Variants in AKAP6 observed in about 807,000 individuals in gnomAD.
AKAP6 encodes A-kinase anchor protein 6.
A neutral mutation model predicts 188.5 loss-of-function variants in AKAP6; 58 were observed. That is an observed-to-expected ratio of 0.31 (90% CI 0.25 to 0.38). The LOEUF is 0.38. Ranked by LOEUF, AKAP6 falls within the 10% of genes least tolerant of loss-of-function variation. The probability of loss-of-function intolerance (pLI) is 1.00; values close to 1 mark genes in which losing one functional copy is unlikely to be tolerated. For synonymous variants in AKAP6, 989 were observed against 998.6 expected, an observed-to-expected ratio of 0.99 and a Z score of 0.18; for missense variants, 2,710 against 2,740.0, an observed-to-expected ratio of 0.99 and a Z score of 0.24.
At position 32,505,286 on chromosome 14, in the gene AKAP6, T is replaced by C. The variant is rs562832686; in HGVS notation, c.325-30268T>C. Among the ~76,000 whole-genome samples the C allele has an allele frequency of 2.6e-5, 4 of 151,796 alleles. No individual in the cohort carries two copies. In the South Asian group the frequency reaches 8.4e-4, roughly 32 times the overall value. On this transcript the variant is annotated intron_variant, in intron 2 of 13. Coordinates refer to ENST00000280979, the MANE Select transcript of AKAP6 (RefSeq NM_004274.5). Reference sequence around the variant, plus strand: ...ACTGCAGTTGACTCAAGGTGGCTGATGTTGGCCAGGCTTAGCAGGCAAGTT... The same window carrying C: ...ACTGCAGTTGACTCAAGGTGGCTGACGTTGGCCAGGCTTAGCAGGCAAGTT...
At position 32,833,422 on chromosome 14, in the gene AKAP6, A is replaced by G. The variant is rs540168456; in HGVS notation, c.*3617A>G. ...AAGAAAATCTAGTGAGCAAAACGGT[A>G]TACAAAAAATCATCTGGATCTGACT... is the stretch of plus-strand genomic sequence containing the variant. On this transcript the variant is annotated 3_prime_UTR_variant, in exon 14 of 14. Coordinates refer to ENST00000280979, the MANE Select transcript of AKAP6 (RefSeq NM_004274.5). The G allele has an allele frequency of 1.4e-4, 21 of 152,366 alleles. No individual in the cohort carries two copies. The South Asian group carries it at 4.3e-3, about 32-fold the overall frequency. 9.4% of individuals were successfully genotyped at this position (152,366 alleles called of 1,614,324 possible). A position where few individuals can be genotyped will look rare whatever the true frequency, so the allele number is the denominator to read the frequency against.
intron 9 of AKAP6, 153 bp from the exon 10 acceptor site, chr14:32,732,301 T>TC (rs1452391464): frequency 1.8e-5 from 4 of 216,368 alleles, no homozygotes; most frequent in Non-Finnish European, 3.1e-5. Flanking sequence ...GCAATATTCT[T>TC]CATCTACTCA....
rs551898506 is a variant in AKAP6 at position 32,636,205 on chromosome 14, A to G, written c.2730+35413A>G. Reference sequence around the variant, plus strand: ...TACATGTGCAGAAACATCTATACATATACAACATAATTGCTGGCAATCAAA... The same window carrying G: ...TACATGTGCAGAAACATCTATACATGTACAACATAATTGCTGGCAATCAAA... On this transcript the variant is annotated intron_variant, in intron 7 of 13. Coordinates refer to ENST00000280979, the MANE Select transcript of AKAP6 (RefSeq NM_004274.5). Among the ~76,000 whole-genome samples, 9 of 152,292 alleles carry G rather than the reference A, an allele frequency of 5.9e-5. No individual in the cohort carries two copies. In the East Asian group the frequency reaches 1.7e-3, roughly 29 times the overall value.
intron 2 of AKAP6, among the ~76,000 whole-genome samples, chr14:32,453,619 C>T (rs8005627): frequency 0.34 from 31,127 of 91,670 alleles, 9,049 homozygotes; most frequent in African/African-American, 0.74. Flanking sequence ...TTTTTTGAGA[C>T]GGAGTCTCGT....
intron 2 of AKAP6, among the ~76,000 whole-genome samples, chr14:32,466,285 A>G (rs1878425584): frequency 6.6e-6 from 1 of 152,240 alleles, no homozygotes; most frequent in Admixed American, 6.5e-5. Context: ...ATGTATGTTT[A>G]CTGCAGCACT....
rs1425412446 is a variant in AKAP6 at position 32,823,985 on chromosome 14, A to T, written c.6172A>T (p.Asn2058Tyr). The change falls in exon 13 of 14, where the codon AAC becomes TAC. Residue 2058 changes from asparagine to tyrosine, a missense_variant. Coordinates refer to ENST00000280979, the MANE Select transcript of AKAP6 (RefSeq NM_004274.5). ...QKDAEDCSVH[N>Y]FVKEIIDMAS... is the part of the protein sequence containing the mutation. ...AGATGCCGAAGATTGTTCAGTACACAACTTTGTTAAGGAAATCATTGACAT... is the reference window on the plus strand; with the variant it reads ...AGATGCCGAAGATTGTTCAGTACACTACTTTGTTAAGGAAATCATTGACAT... 1 of 1,613,984 alleles carries T rather than the reference A, an allele frequency of 6.2e-7. No individual in the cohort carries two copies. The highest frequency in any genetic ancestry group is 8.5e-7 in the Non-Finnish European group (1 of 1,179,936).
chr14:32,466,103 T>C (rs1878409018), intron 2 of AKAP6, among the ~76,000 whole-genome samples: 1 of 152,144 alleles, frequency 6.6e-6, no homozygotes, highest in Admixed American at 6.5e-5. Flanking sequence ...TGTGGAGAAA[T>C]AGGAATGCTT....
chr14:32,790,742 G>A (rs10138100), intron 12 of AKAP6, among the ~76,000 whole-genome samples: 81,564 of 151,820 alleles, frequency 0.54, 22,162 homozygotes, highest in South Asian at 0.7. Context: ...TGCATTAGGT[G>A]TTTGTCCTAA....
chr14:32,710,616 A>T (rs997855504), intron 9 of AKAP6, among the ~76,000 whole-genome samples: 2 of 152,040 alleles, frequency 1.3e-5, no homozygotes, highest in Admixed American at 6.6e-5. Flanking sequence ...GACGAAAAAA[A>T]ACAGCCATGG....
intron 7 of AKAP6, among the ~76,000 whole-genome samples, chr14:32,628,332 G>A (rs1887110098): frequency 2.6e-5 from 4 of 151,956 alleles, no homozygotes; most frequent in Admixed American, 2.0e-4. Flanking sequence ...TTTAATTGAG[G>A]TGCAACCATC....
intron 12 of AKAP6, among the ~76,000 whole-genome samples, chr14:32,790,853 G>A (rs569475215): frequency 6.6e-6 from 1 of 152,220 alleles, no homozygotes; most frequent in East Asian, 1.9e-4. Flanking sequence ...CCACTTGTGA[G>A]TGAGAACATG....
chr14:32,497,371 T>G (rs373409190), intron 2 of AKAP6, among the ~76,000 whole-genome samples: 263 of 152,294 alleles, frequency 1.7e-3, no homozygotes, highest in South Asian at 3.1e-3. Context: ...CTTTCTTGAC[T>G]CATGGAGTAT....
At chr14:32,635,631 A>G (rs965717683) in intron 7 of AKAP6, among the ~76,000 whole-genome samples, 1 of 152,114 alleles carries the variant, frequency 6.6e-6, no homozygotes, top group African/African-American at 2.4e-5. Flanking sequence ...TAACACTGGT[A>G]AAAATAGACA....
intron 2 of AKAP6, among the ~76,000 whole-genome samples, chr14:32,527,485 C>T (rs1045859197): frequency 1.3e-5 from 2 of 152,140 alleles, no homozygotes; most frequent in African/African-American, 2.4e-5. Flanking sequence ...CCAAGGAGTG[C>T]GATTGCTGGT....
At chr14:32,618,769 C>T (rs1886692466) in intron 7 of AKAP6, among the ~76,000 whole-genome samples, 1 of 152,160 alleles carries the variant, frequency 6.6e-6, no homozygotes. Flanking sequence ...GAGAAATCTC[C>T]ATGCTGTTTT....
intron 2 of AKAP6, among the ~76,000 whole-genome samples, chr14:32,519,938 A>C (rs1881731230): frequency 6.6e-6 from 1 of 152,196 alleles, no homozygotes. Flanking sequence ...TTGACCACAT[A>C]GTTGGAAATA....
At chr14:32,698,847 G>T (rs1418373770) in intron 9 of AKAP6, among the ~76,000 whole-genome samples, 5 of 152,142 alleles carry the variant, frequency 3.3e-5, no homozygotes, top group Non-Finnish European at 5.9e-5. Context: ...AAAAGGATGA[G>T]GTGAAACTTC....
At chr14:32,527,185 A>AGTAC (rs1401412778) in intron 2 of AKAP6, among the ~76,000 whole-genome samples, 2 of 152,240 alleles carry the variant, frequency 1.3e-5, no homozygotes, top group African/African-American at 4.8e-5. Context: ...TAAATGGAAT[A>AGTAC]GTACGGTTTG....
At chr14:32,661,688 T>C (rs1888706868) in intron 7 of AKAP6, among the ~76,000 whole-genome samples, 1 of 152,120 alleles carries the variant, frequency 6.6e-6, no homozygotes. Flanking sequence ...GTTTCAGGAC[T>C]ACTGGTTAGA....
Sources: allele counts gnomAD v4.1 joint callset (sites outside exome capture counted in the v4.1 genomes callset), GRCh38; gene constraint gnomAD v4.1.1; transcripts MANE v1.5; gene names NCBI Gene and HGNC (gene_info 2026-07-23, HGNC 2026-07-21).